Variants in TMTC1 observed in about 807,000 individuals in gnomAD.
TMTC1 encodes the protein protein O-mannosyl-transferase TMTC1.
A neutral mutation model predicts 104.8 loss-of-function variants in TMTC1; 73 were observed. The ratio of observed to expected loss-of-function variants is 0.70; its 90% confidence interval spans 0.58 to 0.85. The LOEUF is 0.85. Ranked by LOEUF, TMTC1 falls within the 40% of genes least tolerant of loss-of-function variation. The probability of loss-of-function intolerance (pLI) is 0.00; values close to 1 mark genes in which losing one functional copy is unlikely to be tolerated. For synonymous variants in TMTC1, 434 were observed against 428.7 expected, an observed-to-expected ratio of 1.01 and a Z score of -0.15; for missense variants, 1,035 against 1,096.1, an observed-to-expected ratio of 0.94 and a Z score of 0.79.
chr12:29,732,546 G>A (rs895715373), intron 5 of TMTC1, among the ~76,000 whole-genome samples: 11 of 152,156 alleles, frequency 7.2e-5, no homozygotes, highest in African/African-American at 1.7e-4. Context: ...ACCTGGTCCC[G>A]CTATGTACTA....
chr12:29,569,515 G>A (rs1355632259), intron 9 of TMTC1, among the ~76,000 whole-genome samples: 1 of 152,200 alleles, frequency 6.6e-6, no homozygotes, highest in African/African-American at 2.4e-5. Flanking sequence ...TAGAGGTGGA[G>A]CAGCTGGGAG....
chr12:29,567,396 T>TAAG (rs1945546996), intron 9 of TMTC1, among the ~76,000 whole-genome samples: 1 of 151,132 alleles, frequency 6.6e-6, no homozygotes, highest in Admixed American at 6.6e-5. Context: ...CTTAAATTCG[T>TAAG]TTTTTTTTTC....
chr12:29,578,907 A>G (rs1320336303), intron 8 of TMTC1, among the ~76,000 whole-genome samples: 3 of 152,206 alleles, frequency 2.0e-5, no homozygotes, highest in African/African-American at 7.2e-5. Context: ...CACAGGATGG[A>G]TAGTACTTAT....
intron 5 of TMTC1, among the ~76,000 whole-genome samples, chr12:29,641,986 G>T (rs1591844357): frequency 6.6e-6 from 1 of 152,164 alleles, no homozygotes; most frequent in South Asian, 2.1e-4. Flanking sequence ...AGTAGAAGAA[G>T]AAATTCAGAG....
chr12:29,694,293 A>C (rs1023357432), intron 5 of TMTC1, among the ~76,000 whole-genome samples: 3 of 152,184 alleles, frequency 2.0e-5, no homozygotes, highest in African/African-American at 2.4e-5. Context: ...TCTGAAGCTT[A>C]CATGTACAGT....
chr12:29,552,981 C>G (rs142061401), intron 10 of TMTC1, among the ~76,000 whole-genome samples: 1 of 152,212 alleles, frequency 6.6e-6, no homozygotes, highest in South Asian at 2.1e-4. Flanking sequence ...GCTCAGTTAT[C>G]TAAGTGCTAT....
chr12:29,729,888 C>T (rs552613474), intron 5 of TMTC1, among the ~76,000 whole-genome samples: 2 of 152,202 alleles, frequency 1.3e-5, no homozygotes, highest in African/African-American at 2.4e-5. Flanking sequence ...AGACTTAACA[C>T]TGTGTGTGGT....
At chr12:29,576,997 GA>G (rs1230196834) in intron 8 of TMTC1, among the ~76,000 whole-genome samples, 2 of 152,118 alleles carry the variant, frequency 1.3e-5, no homozygotes, top group African/African-American at 4.8e-5. Flanking sequence ...CTGTCTGAAA[GA>G]AGGATAAATA....
intron 5 of TMTC1, among the ~76,000 whole-genome samples, chr12:29,700,424 A>C (rs938800874): frequency 2.0e-5 from 3 of 151,816 alleles, no homozygotes; most frequent in African/African-American, 7.3e-5. Context: ...GCGGGTCTCA[A>C]ACTCCTGGCT....
intron 7 of TMTC1, among the ~76,000 whole-genome samples, chr12:29,599,881 C>CATATATATGTGTGTAT (rs1565699430): frequency 1.5e-4 from 22 of 146,258 alleles, no homozygotes; most frequent in African/African-American, 5.5e-4. Context: ...TTGAGTACAC[C>CATATATATGTGTGTAT]ATATATATGT....
chr12:29,671,498 G>T (rs1940515228), intron 5 of TMTC1, among the ~76,000 whole-genome samples: 1 of 152,150 alleles, frequency 6.6e-6, no homozygotes, highest in African/African-American at 2.4e-5. Context: ...AAATTACAGA[G>T]AAAATGTATT....
intron 8 of TMTC1, among the ~76,000 whole-genome samples, chr12:29,577,696 T>C (rs1291500377): frequency 6.6e-6 from 1 of 152,170 alleles, no homozygotes; most frequent in African/African-American, 2.4e-5. Context: ...ATTTCCTGTA[T>C]AGATTGTGGA....
At chr12:29,548,948 T>C (rs899838344) in intron 10 of TMTC1, among the ~76,000 whole-genome samples, 1 of 144,336 alleles carries the variant, frequency 6.9e-6, no homozygotes, top group African/African-American at 2.5e-5. Context: ...TAATATATAA[T>C]ATGTATGACA....
intron 5 of TMTC1, among the ~76,000 whole-genome samples, chr12:29,680,502 G>A (rs944216698): frequency 6.6e-6 from 1 of 152,178 alleles, no homozygotes; most frequent in African/African-American, 2.4e-5. Context: ...GTGACTTTTA[G>A]TTAATTTTCT....
chr12:29,558,550 C>T (rs2136266352), intron 9 of TMTC1, among the ~76,000 whole-genome samples: 1 of 152,288 alleles, frequency 6.6e-6, no homozygotes, highest in South Asian at 2.1e-4. Flanking sequence ...TAATGTTCCT[C>T]TTGACTGACA....
chr12:29,690,481 C>T (rs1354878048), intron 5 of TMTC1, among the ~76,000 whole-genome samples: 2 of 152,196 alleles, frequency 1.3e-5, no homozygotes, highest in Admixed American at 6.5e-5. Context: ...TAAACTGGGA[C>T]TAATGCAAAT....
At chr12:29,588,249 A>C (rs755816390) in intron 7 of TMTC1, among the ~76,000 whole-genome samples, 9 of 152,216 alleles carry the variant, frequency 5.9e-5, no homozygotes, top group Non-Finnish European at 1.2e-4. Flanking sequence ...AGAGTCTCTA[A>C]TGTAAAAACA....
intron 5 of TMTC1, among the ~76,000 whole-genome samples, chr12:29,708,059 T>G (rs1941798344): frequency 6.6e-6 from 1 of 152,200 alleles, no homozygotes. Flanking sequence ...TTGCTTAAGA[T>G]CTTTTCATAT....
chr12:29,577,071 T>C (rs1244250284), intron 8 of TMTC1, among the ~76,000 whole-genome samples: 1 of 152,170 alleles, frequency 6.6e-6, no homozygotes, highest in Non-Finnish European at 1.5e-5. Flanking sequence ...GAACCAGCAA[T>C]GCCCAATGTT....
Sources: gnomAD v4.1 joint callset for allele counts (sites outside exome capture counted in the v4.1 genomes callset) on GRCh38, gnomAD v4.1.1 for gene constraint, MANE v1.5 for transcripts, NCBI Gene and HGNC (gene_info 2026-07-23, HGNC 2026-07-21) for gene names.